HDGF: variants seen among roughly 807,000 people sequenced by gnomAD.
HDGF encodes hepatoma-derived growth factor.
Under a neutral mutation model 30.0 loss-of-function variants are expected in HDGF, and 5 were observed. That is an observed-to-expected ratio of 0.17 (90% CI 0.09 to 0.35). The LOEUF (loss-of-function observed/expected upper bound fraction) is 0.35, where lower values mean the gene tolerates loss of function less well. Ranked by LOEUF, HDGF falls within the 10% of genes least tolerant of loss-of-function variation. HDGF has a pLI of 1.00. For synonymous variants in HDGF, 133 were observed against 112.7 expected, an observed-to-expected ratio of 1.18 and a Z score of -1.14; for missense variants, 214 against 302.8, an observed-to-expected ratio of 0.71 and a Z score of 2.18.
upstream of HDGF, among the ~76,000 whole-genome samples, chr1:156,753,991 C>G (rs949349536): frequency 1.3e-5 from 2 of 152,096 alleles, no homozygotes; most frequent in Non-Finnish European, 2.9e-5. Context: ...TCTCGGCTCA[C>G]TGCAACCTCC....
chr1:156,751,320 G>C lies in HDGF; in HGVS notation c.87+23C>G, dbSNP rs1196253753. 5 of 1,602,146 alleles carry C rather than the reference G, an allele frequency of 3.1e-6. No homozygotes were observed. Among genetic ancestry groups the C allele is most frequent in the Non-Finnish European group, 4.3e-6 (5 of 1,173,804 alleles). On this transcript the variant is annotated intron_variant, in intron 1 of 5. Transcript: ENST00000357325. This position sits in a 1 kb window ranked among gnomAD's most constrained non-coding sequence, Gnocchi z 4.7. ...CAACCCAAGCCCGCAGGGGGTTAGG[G>C]GGCGGCGGGCCGCGCTGCTCACCCG...
chr1:156,752,589 A>C, upstream of HDGF: 2 of 563,368 alleles, frequency 3.6e-6, no homozygotes, highest in Non-Finnish European at 6.3e-6. Context: ...CTGGGCATTA[A>C]AGAATGAGTA....
chr1:156,748,082 CAG>C (rs1476486196), intron 1 of HDGF, among the ~76,000 whole-genome samples: 5 of 152,144 alleles, frequency 3.3e-5, no homozygotes, highest in African/African-American at 1.2e-4. Flanking sequence ...GAGAGGAAGA[CAG>C]GGGCCTGAGC....
chr1:156,751,479 C>T lies in HDGF; in HGVS notation c.-50G>A. 1.5e-6 allele frequency: 2 copies of T among 1,378,730 alleles called. No individual in the cohort carries two copies. The highest frequency in any genetic ancestry group is 6.3e-5 in the East Asian group (2 of 31,612). 85.4% of individuals were successfully genotyped at this position (1,378,730 alleles called of 1,614,324 possible). On this transcript the variant is annotated 5_prime_UTR_variant, in exon 1 of 6. Coordinates refer to ENST00000357325, the MANE Select transcript of HDGF (RefSeq NM_004494.3). This position sits in a 1 kb window ranked among gnomAD's most constrained non-coding sequence, Gnocchi z 4.7. ...TCCGCGCCGGGCCGGGAAGCGCGAG[C>T]CCAAGTTTGCGCGTGCGGCGGTGGC... is the stretch of plus-strand genomic sequence containing the variant.
upstream of HDGF, among the ~76,000 whole-genome samples, chr1:156,755,158 G>A (rs1382600402): frequency 2.6e-5 from 4 of 152,150 alleles, no homozygotes; most frequent in African/African-American, 9.7e-5. Context: ...GTTGATGCTG[G>A]TGCGCACTTC....
intron 1 of HDGF, among the ~76,000 whole-genome samples, chr1:156,750,142 C>G (rs1248230792): frequency 2.0e-5 from 3 of 152,086 alleles, no homozygotes; most frequent in African/African-American, 7.2e-5. Context: ...CCAAAGTTGG[C>G]CTGATACCCT....
chr1:156,752,467 G>A, upstream of HDGF: 1 of 1,065,500 alleles, frequency 9.4e-7, no homozygotes, highest in Non-Finnish European at 1.4e-6. Flanking sequence ...ACGGTAGAAT[G>A]CCAATAAACC....
At chr1:156,751,983 C>T (rs1272348601), upstream of HDGF, 4 of 1,501,742 alleles carry the variant, frequency 2.7e-6, no homozygotes, top group Non-Finnish European at 3.6e-6. This position sits in a 1 kb window ranked among gnomAD's most constrained non-coding sequence, Gnocchi z 4.7. Flanking sequence ...GAGGAGCTGG[C>T]GCCCGGCTGG....
chr1:156,747,263 C>G (rs1002460294), intron 1 of HDGF, among the ~76,000 whole-genome samples: 1 of 71,834 alleles, frequency 1.4e-5, no homozygotes, highest in African/African-American at 5.1e-5. Flanking sequence ...CCCCCCCCCC[C>G]GCCCCGCCGC....
At chr1:156,764,398 T>C (rs1651311851) in intron 1 of HDGF, among the ~76,000 whole-genome samples, 1 of 151,828 alleles carries the variant, frequency 6.6e-6, no homozygotes, top group African/African-American at 2.4e-5. Context: ...GGTTTCTCCA[T>C]GTTGGGCAGG....
chr1:156,760,883 G>A (rs1215268881), intron 1 of HDGF, among the ~76,000 whole-genome samples: 2 of 149,642 alleles, frequency 1.3e-5, no homozygotes, highest in South Asian at 2.1e-4. Flanking sequence ...CAAAGTATAC[G>A]TGGAAACCAA....
In HDGF at chr1:156,742,179, TAC is replaced by T. The variant is rs1243545068; in HGVS notation, c.*1268_*1269del. 1 of 152,676 alleles carries T rather than the reference TAC, an allele frequency of 6.5e-6. No homozygotes were observed. The highest frequency in any genetic ancestry group is 1.5e-5 in the Non-Finnish European group (1 of 68,066). 9.5% of individuals were successfully genotyped at this position (152,676 alleles called of 1,614,324 possible). A position where few individuals can be genotyped will look rare whatever the true frequency, so the allele number is the denominator to read the frequency against. ...GTTCTCAGAGCTAAACTTCCAAAGC[TAC>T]AGTCAGCAATTTTTCATCAGAGCCC... On this transcript the variant is annotated 3_prime_UTR_variant, in exon 6 of 6. Coordinates refer to ENST00000357325, the MANE Select transcript of HDGF (RefSeq NM_004494.3).
At chr1:156,748,110 C>T (rs1268091345) in intron 1 of HDGF, among the ~76,000 whole-genome samples, 1 of 152,264 alleles carries the variant, frequency 6.6e-6, no homozygotes, top group South Asian at 2.1e-4. Context: ...GGCATCTCCC[C>T]CCAAAGCATC....
chr1:156,751,538 C>A lies in HDGF; in HGVS notation c.-109G>T, dbSNP rs1046343783. 9 of 1,025,384 alleles carry A rather than the reference C, an allele frequency of 8.8e-6. No homozygotes were observed. In the African/African-American group the frequency reaches 1.6e-4, roughly 18 times the overall value. The allele number at this position is 1,025,384 out of a possible 1,614,324, so 63.5% of individuals were successfully genotyped here. A position where few individuals can be genotyped will look rare whatever the true frequency, so the allele number is the denominator to read the frequency against. On this transcript the variant is annotated 5_prime_UTR_variant, in exon 1 of 6. Coordinates refer to ENST00000357325, the MANE Select transcript of HDGF (RefSeq NM_004494.3). The surrounding 1 kb of genome is among the most constrained non-coding windows in gnomAD (Gnocchi z 4.7). Reference sequence around the variant, plus strand: ...TCCGCTCCGGCCCTCGCGCGGCCCCCGCCTCGATGGTGGCCCCCGGCCCGA... The same window carrying A: ...TCCGCTCCGGCCCTCGCGCGGCCCCAGCCTCGATGGTGGCCCCCGGCCCGA...
At chr1:156,758,790 C>A (rs1394731237) in intron 2 of HDGF, among the ~76,000 whole-genome samples, 1 of 151,990 alleles carries the variant, frequency 6.6e-6, no homozygotes, top group Non-Finnish European at 1.5e-5. Flanking sequence ...ACAACAACAA[C>A]AAAAATGCCT....
upstream of HDGF, chr1:156,752,295 A>C: frequency 6.4e-7 from 1 of 1,551,780 alleles, no homozygotes. Flanking sequence ...TAAGGAGGAA[A>C]CGCTTGAGTT....
intron 1 of HDGF, among the ~76,000 whole-genome samples, chr1:156,762,804 G>A (rs966220468): frequency 2.6e-5 from 4 of 151,974 alleles, no homozygotes; most frequent in East Asian, 1.9e-4. Context: ...CCCGGGAGGC[G>A]GAGGTTGTGG....
upstream of HDGF, chr1:156,755,767 G>C (rs969513581): frequency 2.0e-5 from 3 of 152,198 alleles, no homozygotes; most frequent in African/African-American, 7.2e-5. Context: ...TAAAAGAGCA[G>C]CCCTGCCTTT....
chr1:156,758,598 A>AAAAAAAAT (rs577631183), intron 2 of HDGF, among the ~76,000 whole-genome samples: 7 of 26,350 alleles, frequency 2.7e-4, no homozygotes, highest in Admixed American at 1.5e-3. Flanking sequence ...GTCTCAAAAA[A>AAAAAAAAT]AAAAATAAAT....
Sources: allele counts gnomAD v4.1 joint callset (sites outside exome capture counted in the v4.1 genomes callset), GRCh38; gene constraint gnomAD v4.1.1; non-coding constraint Gnocchi (gnomAD v3.1); transcripts MANE v1.5; gene names NCBI Gene and HGNC (gene_info 2026-07-23, HGNC 2026-07-21).